Variants in RTTN observed in about 807,000 individuals in gnomAD.
RTTN encodes rotatin.
Under a neutral mutation model 269.2 loss-of-function variants are expected in RTTN, and 182 were observed. The observed-to-expected ratio is 0.68, with a 90% CI of 0.60 to 0.76. The LOEUF is 0.76. Ranked by LOEUF, RTTN falls within the 30% of genes least tolerant of loss-of-function variation. The pLI is 0.00. For synonymous variants in RTTN, 1,006 were observed against 963.5 expected (o/e 1.04, Z -0.82); for missense variants, 2,545 against 2,608.6 (o/e 0.98, Z 0.53).
chr18:70,164,368 TG>T (rs2145894044), intron 14 of RTTN, among the ~76,000 whole-genome samples: 1 of 151,706 alleles, frequency 6.6e-6, no homozygotes, highest in Non-Finnish European at 1.5e-5. Context: ...CATGCCACCA[TG>T]CCCAGCTATT....
chr18:70,140,094 C>A lies in RTTN; in HGVS notation c.2670+6G>T, dbSNP rs1187110123. 1 of 1,563,028 alleles carries A rather than the reference C, an allele frequency of 6.4e-7. No homozygotes were observed. Among genetic ancestry groups the A allele is most frequent in the South Asian group, 1.1e-5 (1 of 89,598 alleles). Reference sequence around the variant, plus strand: ...AAAACAATGTCTAGATGCACATTAGCCTTACCTTGCCATCTTGACTCACAC... The same window carrying A: ...AAAACAATGTCTAGATGCACATTAGACTTACCTTGCCATCTTGACTCACAC... On this transcript the variant is annotated splice_donor_region_variant and intron_variant, in intron 20 of 48. Coordinates refer to ENST00000640769, the MANE Select transcript of RTTN (RefSeq NM_173630.4).
chr18:70,163,112 G>A (rs888530797), intron 14 of RTTN, among the ~76,000 whole-genome samples: 2 of 128,436 alleles, frequency 1.6e-5, no homozygotes, highest in African/African-American at 5.5e-5. Flanking sequence ...GGCCAGACAC[G>A]GTGGCTCACA....
chr18:70,118,272 C>T lies in RTTN; in HGVS notation c.3528+3284G>A, dbSNP rs184103123. The stretch of plus-strand genomic sequence containing the variant: ...TGAGAAACGAAAAGGGAAGACATTA[C>T]AACAGATACCACAGAAACACAAGGA... On this transcript the variant is annotated intron_variant, in intron 26 of 48. Transcript: ENST00000640769. Among the ~76,000 whole-genome samples the T allele has an allele frequency of 2.8e-4, 43 of 152,016 alleles. No homozygotes were observed. The East Asian group carries it at 6.4e-3, about 23-fold the overall frequency.
chr18:70,037,856 A>T (rs2057222611), intron 40 of RTTN, among the ~76,000 whole-genome samples: 1 of 152,174 alleles, frequency 6.6e-6, no homozygotes, highest in African/African-American at 2.4e-5. Flanking sequence ...TTTCTGGACC[A>T]TCTCTGGGCC....
chr18:70,076,622 T>C (rs2058435503), intron 32 of RTTN, among the ~76,000 whole-genome samples: 1 of 152,040 alleles, frequency 6.6e-6, no homozygotes, highest in Non-Finnish European at 1.5e-5. Flanking sequence ...ACTATGAAGT[T>C]GTTACTGCTG....
chr18:70,075,255 T>C (rs2058396515), intron 33 of RTTN, 97 bp downstream of exon 33: 2 of 846,988 alleles, frequency 2.4e-6, no homozygotes, highest in Non-Finnish European at 3.5e-6. Flanking sequence ...CCCTGTATAC[T>C]TTCATTTTTC....
intron 23 of RTTN, among the ~76,000 whole-genome samples, chr18:70,133,314 G>T (rs889555042): frequency 6.6e-6 from 1 of 152,144 alleles, no homozygotes; most frequent in African/African-American, 2.4e-5. Context: ...GGGGCAGCTA[G>T]TACTTTTCCA....
chr18:70,112,029 C>G (rs1490532177), intron 27 of RTTN, among the ~76,000 whole-genome samples: 3 of 152,198 alleles, frequency 2.0e-5, no homozygotes, highest in East Asian at 3.9e-4. Flanking sequence ...CAATTTTCAA[C>G]CCAGAATTTC....
Position 70,167,031 on chromosome 18 carries a change from C to A in RTTN, c.1690G>T (p.Gly564Ter), listed in dbSNP as rs1233849878. The change falls in exon 13 of 49, where the codon GGA becomes TGA. Residue 564 changes from glycine to a stop codon, truncating the protein, a stop_gained and splice_region_variant. Transcript: ENST00000640769. LOFTEE classifies it high-confidence loss of function. ...ACTAATTCTAAGAGATTCTTCTCTC[C>A]CTACAAAAGAAGCAGAATGGAACAA... ...CNFLSDIGKE[G>*]EKNLLELVEL... 1 of 1,595,900 alleles carries A rather than the reference C, an allele frequency of 6.3e-7. No individual in the cohort carries two copies. The highest frequency in any genetic ancestry group is 1.7e-5 in the Admixed American group (1 of 59,600).
rs759023095 is a variant in RTTN, at chr18:70,065,905, C to T, written c.4671G>A (p.Gly1557=). ...GCACAAGTGGCTGAAATTCAGTACT[C>T]CCCAATGAAGGTGCCACCTATGAAT... is the stretch of plus-strand genomic sequence containing the variant. ...TSETTVAPSL[G]STEFQPLVQS... Residue 1557 remains glycine, a synonymous_variant, in exon 35 of 49, where the codon GGG becomes GGA. Coordinates refer to ENST00000640769, the MANE Select transcript of RTTN (RefSeq NM_173630.4). The T allele has an allele frequency of 6.3e-6, 10 of 1,598,256 alleles. No individual in the cohort carries two copies. In the South Asian group the frequency reaches 1.0e-4, roughly 16 times the overall value.
intron 40 of RTTN, among the ~76,000 whole-genome samples, chr18:70,034,239 CAG>C (rs35133732): frequency 0.019 from 2,947 of 152,126 alleles, 92 homozygotes; most frequent in African/African-American, 0.066. Context: ...CCAAAACTGG[CAG>C]AGACACAACA....
At chr18:70,186,479 C>A (rs542742519) in intron 10 of RTTN, among the ~76,000 whole-genome samples, 4 of 152,146 alleles carry the variant, frequency 2.6e-5, no homozygotes, top group African/African-American at 4.8e-5. Flanking sequence ...CTCAGCCGGG[C>A]GCGGTGGCTC....
Position 70,088,914 on chromosome 18 carries a change from T to G in RTTN, c.4144-767A>C, listed in dbSNP as rs764216027. ...AAACTGGAAAGAAATAATACAAAAT[T>G]TTGTATTGTAATGCAAATGCAATTT... On this transcript the variant is annotated intron_variant, in intron 30 of 48. Coordinates refer to ENST00000640769, the MANE Select transcript of RTTN (RefSeq NM_173630.4). 3.3e-5 allele frequency among the ~76,000 whole-genome samples: 5 copies of G among 152,268 alleles called. 1 individual carries two copies. The highest frequency in any genetic ancestry group is 7.2e-5 in the African/African-American group (3 of 41,562).
At chr18:70,090,284 A>G (rs56047127) in intron 30 of RTTN, among the ~76,000 whole-genome samples, 3 of 151,564 alleles carry the variant, frequency 2.0e-5, no homozygotes, top group South Asian at 2.1e-4. Context: ...GCTGAGCCCT[A>G]TAACTACTAT....
intron 28 of RTTN, among the ~76,000 whole-genome samples, chr18:70,105,164 C>A (rs1359690365): frequency 1.3e-5 from 2 of 152,178 alleles, no homozygotes; most frequent in Non-Finnish European, 2.9e-5. Flanking sequence ...AGCTTCCCGG[C>A]CGCTTTGATT....
In RTTN at chr18:70,204,270, T is replaced by G; in HGVS notation, c.220-7A>C. 2 of 1,595,806 alleles carry G rather than the reference T, an allele frequency of 1.3e-6. No homozygotes were observed. The highest frequency in any genetic ancestry group is 1.1e-5 in the South Asian group (1 of 87,258). ...GTTGGACTGCTGGGGGATACTAAAA[T>G]AAGAAGAGGATGATCTTGAGAATAA... is the stretch of plus-strand genomic sequence containing the variant. On this transcript the variant is annotated splice_region_variant and splice_polypyrimidine_tract_variant and intron_variant, in intron 2 of 48. Transcript: ENST00000640769.
At chr18:70,126,459 T>G (rs2145602801) in intron 25 of RTTN, among the ~76,000 whole-genome samples, 1 of 152,254 alleles carries the variant, frequency 6.6e-6, no homozygotes, top group African/African-American at 2.4e-5. Flanking sequence ...AATATACTAC[T>G]GTAGACAATG....
chr18:70,117,526 T>C lies in RTTN; in HGVS notation c.3529-2927A>G, dbSNP rs2059631090. Among the ~76,000 whole-genome samples the C allele has an allele frequency of 1.3e-5, 2 of 152,008 alleles. 1 individual carries two copies. The highest frequency in any genetic ancestry group is 4.1e-4 in the South Asian group (2 of 4,826). On this transcript the variant is annotated intron_variant, in intron 26 of 48. Coordinates refer to ENST00000640769, the MANE Select transcript of RTTN (RefSeq NM_173630.4). ...TGTGGTGATAATATATGAGATAAAG[T>C]AGAAGCTTTCCGAAGAAAGGTTTAA...
At chr18:70,072,851 C>T (rs750278283) in intron 34 of RTTN, among the ~76,000 whole-genome samples, 2 of 151,976 alleles carry the variant, frequency 1.3e-5, no homozygotes, top group Non-Finnish European at 2.9e-5. Flanking sequence ...GACAAAGGTA[C>T]ACACTATCTC....
Sources: gnomAD v4.1 joint callset for allele counts (sites outside exome capture counted in the v4.1 genomes callset) on GRCh38, gnomAD v4.1.1 for gene constraint, MANE v1.5 for transcripts, NCBI Gene and HGNC (gene_info 2026-07-23, HGNC 2026-07-21) for gene names.